TMEM117: variants seen among roughly 807,000 people sequenced by gnomAD.
The protein encoded by TMEM117 is transmembrane protein 117.
TMEM117 carries 27 observed loss-of-function variants against 52.4 expected under a neutral mutation model. The observed-to-expected ratio is 0.51, with a 90% CI of 0.38 to 0.71. The LOEUF (loss-of-function observed/expected upper bound fraction) is 0.71, where lower values mean the gene tolerates loss of function less well. Among genes scored for constraint, TMEM117 ranks in the 30% least tolerant of loss-of-function variants. TMEM117 has a pLI of 0.00. For synonymous variants in TMEM117, 215 were observed against 206.3 expected, an observed-to-expected ratio of 1.04 and a Z score of -0.36; for missense variants, 556 against 630.5, an observed-to-expected ratio of 0.88 and a Z score of 1.26.
chr12:44,090,360 G>A (rs1947642262), intron 3 of TMEM117, among the ~76,000 whole-genome samples: 1 of 151,076 alleles, frequency 6.6e-6, no homozygotes, highest in Non-Finnish European at 1.5e-5. Context: ...TATTGTTCCT[G>A]TCTTTGAGTG....
At chr12:44,331,177 C>G (rs371055109) in intron 6 of TMEM117, among the ~76,000 whole-genome samples, 1 of 149,658 alleles carries the variant, frequency 6.7e-6, no homozygotes, top group Non-Finnish European at 1.5e-5. Context: ...CTAGTGGGAC[C>G]TTTTTTTAAA....
intron 3 of TMEM117, among the ~76,000 whole-genome samples, chr12:43,998,363 A>G (rs1256221115): frequency 1.3e-5 from 2 of 152,198 alleles, no homozygotes; most frequent in African/African-American, 4.8e-5. Context: ...CTTTTAATCT[A>G]TATGTCTTTA....
chr12:44,115,279 A>T (rs1049522849), intron 3 of TMEM117, among the ~76,000 whole-genome samples: 1 of 152,170 alleles, frequency 6.6e-6, no homozygotes, highest in East Asian at 1.9e-4. Flanking sequence ...GGACACAGGA[A>T]GGGGAACATC....
At chr12:44,194,589 G>T (rs1258201331) in intron 4 of TMEM117, among the ~76,000 whole-genome samples, 1 of 152,148 alleles carries the variant, frequency 6.6e-6, no homozygotes, top group Non-Finnish European at 1.5e-5. Flanking sequence ...ATTTTGGGAG[G>T]CTGAGGCAGG....
chr12:44,298,043 A>C (rs1324335418), intron 5 of TMEM117, among the ~76,000 whole-genome samples: 3 of 151,074 alleles, frequency 2.0e-5, no homozygotes, highest in Admixed American at 2.0e-4. Flanking sequence ...AGGAATGTTT[A>C]TTTTCTAAAA....
At chr12:44,068,581 A>G (rs1947256222) in intron 3 of TMEM117, among the ~76,000 whole-genome samples, 1 of 152,242 alleles carries the variant, frequency 6.6e-6, no homozygotes, top group African/African-American at 2.4e-5. Context: ...TTGGTAGGGC[A>G]GTCAGAAGAC....
At chr12:44,386,752 A>G (rs1046538826) in intron 7 of TMEM117, among the ~76,000 whole-genome samples, 12 of 152,108 alleles carry the variant, frequency 7.9e-5, no homozygotes, top group African/African-American at 2.7e-4. Context: ...AACTGGCTCA[A>G]GATCACACAG....
At chr12:44,178,978 G>C (rs190516278) in intron 4 of TMEM117, among the ~76,000 whole-genome samples, 2 of 152,198 alleles carry the variant, frequency 1.3e-5, no homozygotes, top group Admixed American at 1.3e-4. Flanking sequence ...CGGATCACCT[G>C]AGGTCAGGAG....
intron 2 of TMEM117, among the ~76,000 whole-genome samples, chr12:43,888,534 A>G (rs1442503124): frequency 7.3e-6 from 1 of 136,916 alleles, no homozygotes; most frequent in African/African-American, 2.6e-5. Context: ...TTTTGTGCAC[A>G]TTAGTTTTCT....
chr12:44,005,368 T>A (rs1393962199), intron 3 of TMEM117, among the ~76,000 whole-genome samples: 1 of 152,222 alleles, frequency 6.6e-6, no homozygotes, highest in Non-Finnish European at 1.5e-5. Context: ...TAAACCAGGA[T>A]CTGACATAAA....
chr12:44,289,550 C>CTTTTTTTT (rs60675070), intron 5 of TMEM117, among the ~76,000 whole-genome samples: 3 of 121,948 alleles, frequency 2.5e-5, no homozygotes, highest in African/African-American at 6.8e-5. Flanking sequence ...TTTCTTTTCT[C>CTTTTTTTT]TTTTTTTTTT....
At chr12:44,032,764 T>C (rs1467625729) in intron 3 of TMEM117, among the ~76,000 whole-genome samples, 2 of 152,178 alleles carry the variant, frequency 1.3e-5, no homozygotes, top group African/African-American at 4.8e-5. Flanking sequence ...CTGACTGAGC[T>C]CCTCTCTACC....
chr12:44,246,479 AT>A (rs1950131049), intron 5 of TMEM117, among the ~76,000 whole-genome samples: 2 of 152,146 alleles, frequency 1.3e-5, no homozygotes, highest in Admixed American at 1.3e-4. Flanking sequence ...TTGTAACTTA[AT>A]TTGCTGCACA....
chr12:43,941,137 A>G (rs912053270), intron 2 of TMEM117, among the ~76,000 whole-genome samples: 7 of 152,308 alleles, frequency 4.6e-5, no homozygotes, highest in African/African-American at 1.4e-4. Flanking sequence ...GATCTTATTA[A>G]TAACATAAAT....
At chr12:43,839,646 T>G (rs1943087234) in intron 1 of TMEM117, among the ~76,000 whole-genome samples, 1 of 152,258 alleles carries the variant, frequency 6.6e-6, no homozygotes, top group South Asian at 2.1e-4. Flanking sequence ...TTGAACTTTC[T>G]TAAATACTGT....
At position 44,236,036 on chromosome 12, in the gene TMEM117, T is replaced by C. The variant is rs1012553909; in HGVS notation, c.608+24649T>C. Reference sequence around the variant, plus strand: ...TTTGACATTTACTCTCTGTTTTTGGTCTTTCTCTTTTATAATGGCATGCCT... The same window carrying C: ...TTTGACATTTACTCTCTGTTTTTGGCCTTTCTCTTTTATAATGGCATGCCT... On this transcript the variant is annotated intron_variant, in intron 5 of 7. Transcript: ENST00000266534. Among the ~76,000 whole-genome samples the C allele has an allele frequency of 2.0e-5, 3 of 152,092 alleles. No individual in the cohort carries two copies. In the East Asian group the frequency reaches 5.8e-4, roughly 29 times the overall value.
At chr12:43,901,313 G>GT (rs1295916467) in intron 2 of TMEM117, among the ~76,000 whole-genome samples, 108 of 150,220 alleles carry the variant, frequency 7.2e-4, no homozygotes, top group South Asian at 4.9e-3. Flanking sequence ...GTTTGTTTTT[G>GT]GTTTTTTTTG....
intron 3 of TMEM117, among the ~76,000 whole-genome samples, chr12:44,131,759 C>G (rs1948417109): frequency 6.6e-6 from 1 of 152,010 alleles, no homozygotes; most frequent in Non-Finnish European, 1.5e-5. Flanking sequence ...ATTAATATAG[C>G]TATACCAAAT....
chr12:44,177,144 G>A (rs115910443), intron 4 of TMEM117, among the ~76,000 whole-genome samples: 1,525 of 152,106 alleles, frequency 0.01, 10 homozygotes, highest in African/African-American at 0.016. Context: ...TCAATTTACG[G>A]TGCAGTACCT....
Sources: gnomAD v4.1 joint callset for allele counts (sites outside exome capture counted in the v4.1 genomes callset) on GRCh38, gnomAD v4.1.1 for gene constraint, MANE v1.5 for transcripts, NCBI Gene and HGNC (gene_info 2026-07-23, HGNC 2026-07-21) for gene names.